The following COL24A1 variants were observed in gnomAD, a reference collection of about 807,000 sequenced individuals.
COL24A1 encodes collagen alpha-1(XXIV) chain.
A neutral mutation model predicts 253.9 loss-of-function variants in COL24A1; 224 were observed. That is an observed-to-expected ratio of 0.88 (90% confidence interval 0.79 to 0.99). COL24A1 has a LOEUF of 0.99. Ranked by LOEUF, COL24A1 falls within the 50% of genes least tolerant of loss-of-function variation. The pLI is 0.00. For missense variants in COL24A1, 2,131 were observed against 2,068.5 expected, an observed-to-expected ratio of 1.03 and a Z score of -0.59; for synonymous variants, 685 against 673.7, an observed-to-expected ratio of 1.02 and a Z score of -0.26.
At chr1:85,866,448 T>C (rs1454799741) in intron 37 of COL24A1, among the ~76,000 whole-genome samples, 1 of 152,110 alleles carries the variant, frequency 6.6e-6, no homozygotes, top group Non-Finnish European at 1.5e-5. Flanking sequence ...AGTGAAATTA[T>C]ATTGTTTAAT....
intron 47 of COL24A1, among the ~76,000 whole-genome samples, chr1:85,809,893 A>G (rs1348567553): frequency 2.6e-5 from 4 of 151,294 alleles, no homozygotes; most frequent in African/African-American, 9.7e-5. Context: ...AACTGTCACT[A>G]CCATTTATCT....
intron 24 of COL24A1, among the ~76,000 whole-genome samples, chr1:85,942,903 T>C (rs1303846132): frequency 1.3e-5 from 2 of 152,268 alleles, no homozygotes; most frequent in South Asian, 4.1e-4. Context: ...TAATTTTAGG[T>C]GTCAATTTGA....
chr1:85,988,635 A>G (rs1223278984), intron 19 of COL24A1, among the ~76,000 whole-genome samples: 1 of 152,154 alleles, frequency 6.6e-6, no homozygotes, highest in Non-Finnish European at 1.5e-5. Context: ...AAAAGTAAAG[A>G]AGGCTGAAAT....
At chr1:86,033,540 G>T (rs1166929669) in intron 13 of COL24A1, among the ~76,000 whole-genome samples, 1 of 152,022 alleles carries the variant, frequency 6.6e-6, no homozygotes, top group African/African-American at 2.4e-5. Flanking sequence ...AAGAGCAATC[G>T]CTGAGTGTAA....
In COL24A1 at chr1:85,818,986, C is replaced by T. The variant is rs151012018; in HGVS notation, c.3790-899G>A. Among the ~76,000 whole-genome samples the T allele has an allele frequency of 5.3e-5, 8 of 152,258 alleles. No homozygotes were observed. In the East Asian group the frequency reaches 1.4e-3, roughly 26 times the overall value. ...TTACTTTTTTGACAACCAGCTTAAA[C>T]ATTTTATGAAGAAATAGTATATGTT... is the stretch of plus-strand genomic sequence containing the variant. On this transcript the variant is annotated intron_variant, in intron 45 of 59. Transcript: ENST00000370571.
chr1:86,127,707 G>T (rs993894077), intron 2 of COL24A1, among the ~76,000 whole-genome samples: 2 of 151,928 alleles, frequency 1.3e-5, no homozygotes, highest in Non-Finnish European at 2.9e-5. Context: ...GATTAGCCAG[G>T]AACGTTTGGC....
chr1:86,098,333 A>C (rs28592145), intron 5 of COL24A1, among the ~76,000 whole-genome samples: 1 of 152,060 alleles, frequency 6.6e-6, no homozygotes, highest in African/African-American at 2.4e-5. Context: ...AAAGGAAAGG[A>C]AAGGGGAGGG....
At position 85,784,165 on chromosome 1, in the gene COL24A1, C is replaced by T. The variant is rs1420349685; in HGVS notation, c.4169G>A (p.Gly1390Glu). The T allele has an allele frequency of 6.2e-7, 1 of 1,613,698 alleles. No individual in the cohort carries two copies. Among genetic ancestry groups the T allele is most frequent in the South Asian group, 1.1e-5 (1 of 91,048 alleles). The change falls in exon 50 of 60, where the codon GGA becomes GAA. Residue 1390 changes from glycine (G) to glutamate (E), a missense_variant and splice_region_variant. Transcript: ENST00000370571. ...CGDPGLKGQP[G>E]EYGVQGLTGF... is the part of the protein sequence containing the mutation. ...TGTCAAACCTTGAACACCATATTCT[C>T]CCTGCAAAGTGAATTGACATGATAA...
At chr1:85,986,395 T>A (rs1190059498) in intron 20 of COL24A1, among the ~76,000 whole-genome samples, 6 of 151,814 alleles carry the variant, frequency 4.0e-5, no homozygotes, top group Non-Finnish European at 8.9e-5. Flanking sequence ...GGTATCTTTT[T>A]AAAATATAAC....
chr1:86,142,536 A>G (rs555278512), intron 2 of COL24A1, among the ~76,000 whole-genome samples: 8 of 148,850 alleles, frequency 5.4e-5, no homozygotes, highest in Non-Finnish European at 1.2e-4. Flanking sequence ...AAAAAAAACA[A>G]AAAACAAAAA....
At chr1:85,947,673 C>G (rs946706151) in intron 24 of COL24A1, among the ~76,000 whole-genome samples, 1 of 152,312 alleles carries the variant, frequency 6.6e-6, no homozygotes, top group Non-Finnish European at 1.5e-5. Flanking sequence ...ACTGATTGAA[C>G]TTCAAGTGGC....
At chr1:85,825,135 C>T (rs1427535581) in intron 43 of COL24A1, among the ~76,000 whole-genome samples, 7 of 144,238 alleles carry the variant, frequency 4.9e-5, no homozygotes, top group Non-Finnish European at 9.0e-5. Flanking sequence ...CATGTGTTCT[C>T]ATTGTTCAGT....
At chr1:86,050,355 C>T (rs1382410265) in intron 10 of COL24A1, among the ~76,000 whole-genome samples, 178 bp from the exon 11 acceptor site, 1 of 152,046 alleles carries the variant, frequency 6.6e-6, no homozygotes, top group Non-Finnish European at 1.5e-5. Flanking sequence ...TCAATCTTCC[C>T]ATTAAAAATT....
At position 85,737,419 on chromosome 1, in the gene COL24A1, AG is replaced by A. The variant is rs763087359; in HGVS notation, c.4758del (p.Leu1587TyrfsTer6). 4 of 1,612,464 alleles carry A rather than the reference AG, an allele frequency of 2.5e-6. No homozygotes were observed. The Admixed American group carries it at 6.7e-5, about 27-fold the overall frequency. ...FCNFSAGGQTCLPPVSVTKLE... is the reference protein window; with the variant it reads ...FCNFSAGGQTXLPPVSVTKLE... ...ACCTTTGTTACAGAAACAGGAGGTA[AG>A]CATGTCTGGCCACCAGCACTGAAAT... On this transcript the variant is annotated frameshift_variant, in exon 58 of 60. Coordinates refer to ENST00000370571, the MANE Select transcript of COL24A1 (RefSeq NM_152890.7). LOFTEE classifies it high-confidence loss of function.
intron 2 of COL24A1, among the ~76,000 whole-genome samples, chr1:86,137,411 T>C (rs1172316174): frequency 6.6e-6 from 1 of 152,194 alleles, no homozygotes; most frequent in Non-Finnish European, 1.5e-5. Flanking sequence ...TGTTGTTATC[T>C]ACATGTGAGA....
intron 28 of COL24A1, among the ~76,000 whole-genome samples, chr1:85,897,736 C>T (rs1304380965): frequency 6.6e-6 from 1 of 152,186 alleles, no homozygotes; most frequent in Non-Finnish European, 1.5e-5. Context: ...TTCAATTCTA[C>T]AGACTCTAAC....
At chr1:85,826,817 G>A (rs1333882860) in intron 43 of COL24A1, among the ~76,000 whole-genome samples, 2 of 152,142 alleles carry the variant, frequency 1.3e-5, no homozygotes, top group Non-Finnish European at 2.9e-5. Context: ...AGCTTAAGGA[G>A]ATTTTGGGCT....
chr1:86,141,702 CTTT>C (rs1230061696), intron 2 of COL24A1, among the ~76,000 whole-genome samples: 4 of 142,198 alleles, frequency 2.8e-5, no homozygotes, highest in African/African-American at 2.6e-5. Context: ...TAGTGTCTTA[CTTT>C]TTTTTTTTTT....
chr1:85,943,428 C>A (rs562941453), intron 24 of COL24A1, among the ~76,000 whole-genome samples: 1 of 152,196 alleles, frequency 6.6e-6, no homozygotes, highest in Admixed American at 6.5e-5. Flanking sequence ...TCTGAAGAAT[C>A]CTGACTAACA....
Sources: gnomAD v4.1 joint callset for allele counts (sites outside exome capture counted in the v4.1 genomes callset) on GRCh38, gnomAD v4.1.1 for gene constraint, MANE v1.5 for transcripts, NCBI Gene and HGNC (gene_info 2026-07-23, HGNC 2026-07-21) for gene names.